The following DCDC1 variants were observed in gnomAD, a reference collection of about 807,000 sequenced individuals.
The protein encoded by DCDC1 is doublecortin domain-containing protein 1.
A neutral mutation model predicts 178.3 loss-of-function variants in DCDC1; 200 were observed. The observed-to-expected ratio is 1.12, with a 90% CI of 1.00 to 1.26. The LOEUF is 1.26. Ranked by LOEUF, DCDC1 falls within the 50% of genes most tolerant of loss-of-function variation. DCDC1 has a pLI of 0.00. For missense variants in DCDC1, 1,983 were observed against 1,749.2 expected, an observed-to-expected ratio of 1.13 and a Z score of -2.38; for synonymous variants, 690 against 604.8, an observed-to-expected ratio of 1.14 and a Z score of -2.07.
chr11:31,078,748 A>G (rs1401072250), intron 17 of DCDC1, among the ~76,000 whole-genome samples: 2 of 152,158 alleles, frequency 1.3e-5, no homozygotes, highest in African/African-American at 2.4e-5. Flanking sequence ...GTTGAAATGG[A>G]TGCTTAATAA....
intron 11 of DCDC1, among the ~76,000 whole-genome samples, chr11:31,111,637 A>G (rs1959177430): frequency 6.6e-6 from 1 of 152,140 alleles, no homozygotes; most frequent in African/African-American, 2.4e-5. Context: ...TTGCCTGCAA[A>G]CCTATGGAAA....
intron 1 of DCDC1, among the ~76,000 whole-genome samples, chr11:31,355,361 T>C (rs1302631275): frequency 1.3e-5 from 2 of 152,076 alleles, no homozygotes; most frequent in Non-Finnish European, 2.9e-5. Context: ...AGTCAAACAT[T>C]TGGCTTGTAT....
intron 38 of DCDC1, among the ~76,000 whole-genome samples, chr11:30,869,011 C>T (rs73463190): frequency 0.021 from 3,234 of 152,350 alleles, 122 homozygotes; most frequent in African/African-American, 0.072. Context: ...AGAGCAGCCT[C>T]TCCCTTCTCA....
intron 9 of DCDC1, among the ~76,000 whole-genome samples, chr11:31,170,308 AAG>A (rs1327164206): frequency 6.6e-6 from 1 of 152,146 alleles, no homozygotes; most frequent in Non-Finnish European, 1.5e-5. Context: ...GACCGAAAAA[AAG>A]TTGCCTTTTG....
intron 9 of DCDC1, among the ~76,000 whole-genome samples, chr11:31,229,542 A>G (rs1444885432): frequency 6.6e-6 from 1 of 152,162 alleles, no homozygotes; most frequent in Non-Finnish European, 1.5e-5. Flanking sequence ...AGTAAAAAGT[A>G]TTTGAAAAAA....
intron 18 of DCDC1, among the ~76,000 whole-genome samples, chr11:31,068,722 A>T (rs1168203272): frequency 1.3e-5 from 2 of 152,206 alleles, no homozygotes; most frequent in African/African-American, 4.8e-5. Flanking sequence ...TATTATTTAA[A>T]TGAGAATCAT....
intron 1 of DCDC1, among the ~76,000 whole-genome samples, chr11:31,342,697 A>T (rs1950609015): frequency 6.6e-6 from 1 of 152,168 alleles, no homozygotes; most frequent in South Asian, 2.1e-4. Context: ...GGAAATGCTT[A>T]TAAGCAAAAA....
chr11:31,011,970 G>A (rs1325820234), intron 20 of DCDC1, among the ~76,000 whole-genome samples: 2 of 152,134 alleles, frequency 1.3e-5, no homozygotes, highest in Non-Finnish European at 2.9e-5. Context: ...TGGATTATGA[G>A]GATGGATTTC....
chr11:30,957,501 C>A (rs1948836244), intron 20 of DCDC1, among the ~76,000 whole-genome samples: 1 of 152,154 alleles, frequency 6.6e-6, no homozygotes, highest in Non-Finnish European at 1.5e-5. Flanking sequence ...GGTATTTCCT[C>A]CTTCTGACCT....
rs568145249 is a variant in DCDC1 at position 31,158,961 on chromosome 11, A to G, written c.1222-21177T>C. Among the ~76,000 whole-genome samples, 24 of 152,306 alleles carry G rather than the reference A, an allele frequency of 1.6e-4. No individual in the cohort carries two copies. The East Asian group carries it at 4.2e-3, about 27-fold the overall frequency. On this transcript the variant is annotated intron_variant, in intron 9 of 38. Transcript: ENST00000684477. ...GGGATGTATATCAATAAAAATAAAAATATACCAACAAAAAACATACCAATA... is the reference window on the plus strand; with the variant it reads ...GGGATGTATATCAATAAAAATAAAAGTATACCAACAAAAAACATACCAATA...
intron 11 of DCDC1, among the ~76,000 whole-genome samples, chr11:31,118,261 T>A (rs1338803927): frequency 6.6e-6 from 1 of 152,168 alleles, no homozygotes; most frequent in Non-Finnish European, 1.5e-5. Flanking sequence ...AATATGCCTG[T>A]AAACATAATT....
chr11:31,058,572 G>A (rs1210914901), intron 20 of DCDC1, among the ~76,000 whole-genome samples: 1 of 152,062 alleles, frequency 6.6e-6, no homozygotes, highest in African/African-American at 2.4e-5. Flanking sequence ...CTAGAGCAGA[G>A]GAAGGGAGGG....
chr11:31,036,407 C>T (rs1954027274), intron 20 of DCDC1, among the ~76,000 whole-genome samples: 1 of 152,152 alleles, frequency 6.6e-6, no homozygotes. Flanking sequence ...AGATAATCAT[C>T]ATCAGTATCA....
intron 9 of DCDC1, among the ~76,000 whole-genome samples, chr11:31,236,812 G>A (rs952634989): frequency 6.6e-5 from 10 of 151,778 alleles, no homozygotes; most frequent in African/African-American, 2.4e-4. Context: ...TTGTTCCAAG[G>A]TTTCAAAGGA....
At chr11:31,133,870 A>AT (rs1490513422) in intron 10 of DCDC1, among the ~76,000 whole-genome samples, 1 of 151,968 alleles carries the variant, frequency 6.6e-6, no homozygotes, top group African/African-American at 2.4e-5. Context: ...TGCTCAGCTA[A>AT]TTTTTGTATT....
intron 20 of DCDC1, among the ~76,000 whole-genome samples, chr11:31,013,273 C>T (rs1271786728): frequency 1.3e-5 from 2 of 152,240 alleles, no homozygotes; most frequent in East Asian, 1.9e-4. Flanking sequence ...TTCAAGAGCG[C>T]TCCACTGGAG....
chr11:31,214,344 A>T (rs1973259618), intron 9 of DCDC1, among the ~76,000 whole-genome samples: 1 of 152,226 alleles, frequency 6.6e-6, no homozygotes, highest in Non-Finnish European at 1.5e-5. Context: ...ATGAACAACA[A>T]TTTTTTGAAA....
chr11:31,307,553 G>A, intron 4 of DCDC1, 86 bp downstream of exon 4: 1 of 1,507,222 alleles, frequency 6.6e-7, no homozygotes. Flanking sequence ...TAATGTCTGA[G>A]ATAGTCAATT....
intron 1 of DCDC1, among the ~76,000 whole-genome samples, chr11:31,352,474 T>C (rs1951121484): frequency 6.6e-6 from 1 of 152,170 alleles, no homozygotes; most frequent in Non-Finnish European, 1.5e-5. Context: ...AGTTTGATAC[T>C]TAGCAACGTA....
Sources: gnomAD v4.1 joint callset for allele counts (sites outside exome capture counted in the v4.1 genomes callset) on GRCh38, gnomAD v4.1.1 for gene constraint, MANE v1.5 for transcripts, NCBI Gene and HGNC (gene_info 2026-07-23, HGNC 2026-07-21) for gene names.